Variants in CFAP96 observed in about 807,000 individuals in gnomAD.
CFAP96 encodes the protein cilia and flagella associated protein 96.
chr4:185,420,004 C>T, the CFAP96 span, among the ~76,000 whole-genome samples: 1 of 152,180 alleles, frequency 6.6e-6, no homozygotes, highest in Non-Finnish European at 1.5e-5. Context: ...TTTTCAGCAG[C>T]CGCACCATTT....
the CFAP96 span, among the ~76,000 whole-genome samples, chr4:185,424,816 T>G: frequency 1.3e-5 from 2 of 152,258 alleles, no homozygotes; most frequent in South Asian, 4.1e-4. Context: ...TCTGTTTCTC[T>G]TCTGTAAAAC....
chr4:185,443,534 A>C, the CFAP96 span, among the ~76,000 whole-genome samples: 8 of 150,848 alleles, frequency 5.3e-5, no homozygotes, highest in African/African-American at 1.7e-4. Context: ...TTTTTAGTAG[A>C]GACAGGGTTT....
the CFAP96 span, among the ~76,000 whole-genome samples, chr4:185,433,911 C>T: frequency 6.7e-6 from 1 of 149,858 alleles, no homozygotes; most frequent in African/African-American, 2.5e-5. Flanking sequence ...AACAAAACAA[C>T]AAAACAAAAA....
chr4:185,414,005 T>A, the CFAP96 span: 1 of 706,668 alleles, frequency 1.4e-6, no homozygotes, highest in Admixed American at 3.9e-5. Context: ...TATGGTTTAA[T>A]TCACTAACAT....
the CFAP96 span, chr4:185,422,547 A>G: frequency 1.2e-6 from 2 of 1,608,334 alleles, no homozygotes; most frequent in Non-Finnish European, 1.7e-6. Context: ...GAGTATATCC[A>G]TACTTTCTGA....
chr4:185,414,699 T>G, the CFAP96 span, among the ~76,000 whole-genome samples: 1 of 152,202 alleles, frequency 6.6e-6, no homozygotes, highest in Non-Finnish European at 1.5e-5. Flanking sequence ...TCTCCAAAAT[T>G]CCTCTAATAA....
chr4:185,436,992 T>A, the CFAP96 span, among the ~76,000 whole-genome samples: 2 of 152,242 alleles, frequency 1.3e-5, no homozygotes, highest in Non-Finnish European at 2.9e-5. Context: ...CTATTTTAAA[T>A]AAAGAGTCAT....
the CFAP96 span, among the ~76,000 whole-genome samples, chr4:185,437,746 G>GGT: frequency 2.0e-5 from 3 of 151,994 alleles, no homozygotes; most frequent in African/African-American, 7.2e-5. Context: ...ATACTTATTG[G>GGT]GTATAACATA....
chr4:185,449,596 G>A, the CFAP96 span: 5 of 1,534,564 alleles, frequency 3.3e-6, no homozygotes, highest in Non-Finnish European at 4.4e-6. Flanking sequence ...CCAATTTTAG[G>A]GCACTAAATT....
the CFAP96 span, among the ~76,000 whole-genome samples, chr4:185,411,104 C>A: frequency 1.4e-5 from 2 of 147,088 alleles, no homozygotes; most frequent in Non-Finnish European, 3.0e-5. Context: ...ATAGAGGGGG[C>A]CAACAAAGCC....
chr4:185,438,683 T>G, the CFAP96 span, among the ~76,000 whole-genome samples: 6 of 152,222 alleles, frequency 3.9e-5, no homozygotes, highest in Non-Finnish European at 8.8e-5. Context: ...TTATAAATAT[T>G]CTCGGGCTTT....
the CFAP96 span, among the ~76,000 whole-genome samples, chr4:185,409,234 A>G: frequency 2.0e-5 from 3 of 152,218 alleles, no homozygotes; most frequent in African/African-American, 7.2e-5. Flanking sequence ...CAGCCCAAGT[A>G]TGTTATTTGA....
chr4:185,416,755 G>A, the CFAP96 span, among the ~76,000 whole-genome samples: 1 of 152,192 alleles, frequency 6.6e-6, no homozygotes, highest in Non-Finnish European at 1.5e-5. Flanking sequence ...AAAGGCACTG[G>A]AGCCAGCTTG....
chr4:185,426,499 G>C, the CFAP96 span: 1 of 152,630 alleles, frequency 6.6e-6, no homozygotes, highest in Non-Finnish European at 1.5e-5. Context: ...ACCTCCTCCA[G>C]TTTTCTGCCC....
At chr4:185,421,277 G>C in the CFAP96 span, among the ~76,000 whole-genome samples, 1 of 152,228 alleles carries the variant, frequency 6.6e-6, no homozygotes, top group African/African-American at 2.4e-5. Context: ...CACGGGGCTA[G>C]TAAAGGATGG....
At chr4:185,426,022 CCA>C in the CFAP96 span, 1 of 834,088 alleles carries the variant, frequency 1.2e-6, no homozygotes, top group Non-Finnish European at 1.9e-6. Context: ...ACGGAGCGTA[CCA>C]CACCGCAGTC....
chr4:185,443,340 A>ATTTTT, the CFAP96 span, among the ~76,000 whole-genome samples: 103 of 28,452 alleles, frequency 3.6e-3, 1 homozygote, highest in African/African-American at 0.01. Flanking sequence ...ATATATATAT[A>ATTTTT]TATTTTTTTT....
At chr4:185,448,127 T>C in the CFAP96 span, among the ~76,000 whole-genome samples, 1 of 152,052 alleles carries the variant, frequency 6.6e-6, no homozygotes. Context: ...TTCAAGCAAC[T>C]CTCCTGTCTC....
At chr4:185,418,846 G>C in the CFAP96 span, 5 of 1,156,746 alleles carry the variant, frequency 4.3e-6, no homozygotes, top group South Asian at 7.4e-5. Context: ...ATACACAAAA[G>C]TAGAGCATAG....
Sources: allele counts gnomAD v4.1 joint callset (sites outside exome capture counted in the v4.1 genomes callset), GRCh38; gene constraint gnomAD v4.1.1; transcripts MANE v1.5; gene names NCBI Gene and HGNC (gene_info 2026-07-23, HGNC 2026-07-21).